GNA14: variants seen among roughly 807,000 people sequenced by gnomAD.
GNA14 encodes the protein G protein subunit alpha 14.
GNA14 carries 50 observed loss-of-function variants against 42.0 expected under a neutral mutation model. That is an observed-to-expected ratio of 1.19 (90% confidence interval 0.95 to 1.51). GNA14 has a LOEUF of 1.51. Ranked by LOEUF, GNA14 falls within the 40% of genes most tolerant of loss-of-function variation. The pLI, the probability that GNA14 is intolerant of heterozygous loss-of-function variation, is 0.00. For synonymous variants in GNA14, 173 were observed against 163.1 expected (o/e 1.06, Z -0.46); for missense variants, 473 against 446.2 (o/e 1.06, Z -0.54).
chr9:77,604,714 A>G (rs1316815044), intron 1 of GNA14, among the ~76,000 whole-genome samples: 2 of 152,308 alleles, frequency 1.3e-5, no homozygotes, highest in African/African-American at 2.4e-5. Context: ...CATTGGCTCA[A>G]TGTATCTGGG....
chr9:77,597,646 A>G (rs1485379170), intron 1 of GNA14, among the ~76,000 whole-genome samples: 3 of 151,808 alleles, frequency 2.0e-5, no homozygotes, highest in Non-Finnish European at 4.4e-5. Flanking sequence ...ATACTTTAAA[A>G]AAAGTGGCAA....
intron 1 of GNA14, among the ~76,000 whole-genome samples, chr9:77,574,251 A>T (rs2131798007): frequency 6.6e-6 from 1 of 152,354 alleles, no homozygotes; most frequent in South Asian, 2.1e-4. Flanking sequence ...GCAACAGGAC[A>T]ATCAAGCTGC....
intron 1 of GNA14, among the ~76,000 whole-genome samples, chr9:77,603,974 A>C (rs1823611612): frequency 4.0e-5 from 6 of 150,526 alleles, no homozygotes; most frequent in Non-Finnish European, 5.9e-5. Flanking sequence ...AAAAAAAAAA[A>C]AAAAAAACAC....
chr9:77,485,633 A>T (rs1271396583), intron 2 of GNA14, among the ~76,000 whole-genome samples: 1 of 152,214 alleles, frequency 6.6e-6, no homozygotes, highest in East Asian at 1.9e-4. Context: ...TTTGTAAATA[A>T]TAAGACTTGG....
chr9:77,451,131 G>A (rs12336835), intron 2 of GNA14, among the ~76,000 whole-genome samples: 44,351 of 151,908 alleles, frequency 0.29, 6,923 homozygotes, highest in East Asian at 0.38. Context: ...GGGAACATAC[G>A]TGTGTCAGAC....
intron 1 of GNA14, among the ~76,000 whole-genome samples, chr9:77,540,875 A>AGTTTCTTGTAG (rs1339304131): frequency 6.6e-6 from 1 of 152,064 alleles, no homozygotes; most frequent in Non-Finnish European, 1.5e-5. Flanking sequence ...TCTTGTAGGC[A>AGTTTCTTGTAG]GCATATAGTT....
intron 2 of GNA14, among the ~76,000 whole-genome samples, chr9:77,491,990 C>T (rs1265126893): frequency 1.3e-5 from 2 of 152,070 alleles, no homozygotes; most frequent in Non-Finnish European, 2.9e-5. Context: ...AAACTAGGAA[C>T]TGATAACAGG....
At chr9:77,520,022 T>G (rs368852447) in intron 2 of GNA14, among the ~76,000 whole-genome samples, 1 of 151,472 alleles carries the variant, frequency 6.6e-6, no homozygotes, top group Non-Finnish European at 1.5e-5. Context: ...AAAGTAAAAA[T>G]AAAAAAAGAA....
rs981770650 is a variant in GNA14, at chr9:77,639,443, A to T, written c.124+8227T>A. On this transcript the variant is annotated intron_variant, in intron 1 of 6. Coordinates refer to ENST00000341700, the MANE Select transcript of GNA14 (RefSeq NM_004297.4). ...ACACAGCTTATCAGTGGAAAAGCCT[A>T]TATTTTAAACCCAGCAAGGCTGGCT... is the stretch of plus-strand genomic sequence containing the variant. Among the ~76,000 whole-genome samples, 75 of 152,354 alleles carry T rather than the reference A, an allele frequency of 4.9e-4. 1 individual carries two copies. Among genetic ancestry groups the T allele is most frequent in the African/African-American group, 1.6e-3 (68 of 41,588 alleles).
chr9:77,534,609 A>T (rs912565389), intron 1 of GNA14, among the ~76,000 whole-genome samples: 1 of 152,226 alleles, frequency 6.6e-6, no homozygotes, highest in Admixed American at 6.5e-5. Flanking sequence ...TGCATGAGAC[A>T]ATGTAAATAG....
At chr9:77,506,283 TAAAAAAAAAAAAA>T in intron 2 of GNA14, among the ~76,000 whole-genome samples, 1 of 126,834 alleles carries the variant, frequency 7.9e-6, no homozygotes, top group South Asian at 2.5e-4. Context: ...CCCTGTCTCT[TAAAAAAAAAAAAA>T]AAAAGAAATG....
At chr9:77,467,778 T>C (rs750303830) in intron 2 of GNA14, among the ~76,000 whole-genome samples, 13 of 151,522 alleles carry the variant, frequency 8.6e-5, no homozygotes, top group Non-Finnish European at 1.6e-4. Context: ...GCAGGGACAG[T>C]GGCCCACTTC....
intron 1 of GNA14, among the ~76,000 whole-genome samples, chr9:77,561,244 T>C (rs934057248): frequency 6.6e-6 from 1 of 152,240 alleles, no homozygotes; most frequent in Admixed American, 6.5e-5. Context: ...GCTAAGTTTA[T>C]CTATCACACC....
chr9:77,564,014 C>T (rs1420050857), intron 1 of GNA14, among the ~76,000 whole-genome samples: 2 of 152,152 alleles, frequency 1.3e-5, no homozygotes, highest in Admixed American at 6.5e-5. Context: ...GACTCCATCC[C>T]TCAGCTCGTT....
intron 2 of GNA14, among the ~76,000 whole-genome samples, chr9:77,470,581 G>A (rs1315445586): frequency 6.6e-6 from 1 of 152,200 alleles, no homozygotes; most frequent in African/African-American, 2.4e-5. Context: ...GAAAGCTATA[G>A]CTAAAGTGCT....
chr9:77,485,571 G>T (rs1262648585), intron 2 of GNA14, among the ~76,000 whole-genome samples: 3 of 152,022 alleles, frequency 2.0e-5, no homozygotes, highest in African/African-American at 7.3e-5. Context: ...ACTTTGCCCA[G>T]ATCAATCAGA....
chr9:77,566,142 CTTCTT>C (rs1822964400), intron 1 of GNA14, among the ~76,000 whole-genome samples: 1 of 136,920 alleles, frequency 7.3e-6, no homozygotes, highest in Non-Finnish European at 1.5e-5. Context: ...AGTGGGAGTG[CTTCTT>C]TTTTTTTTTT....
intron 1 of GNA14, among the ~76,000 whole-genome samples, chr9:77,641,750 G>A (rs1425419343): frequency 1.3e-5 from 2 of 152,084 alleles, no homozygotes; most frequent in African/African-American, 4.8e-5. Context: ...GACGTTATTG[G>A]GTGAACCAAC....
In GNA14 at chr9:77,646,893, G is replaced by A. The variant is rs752189655; in HGVS notation, c.124+777C>T. On this transcript the variant is annotated intron_variant, in intron 1 of 6. Transcript: ENST00000341700. Reference sequence around the variant, plus strand: ...GATGTCCTACCCAGACCTTTGCAGAGACACCAAAAGAGCTGGATGAAGACC... The same window carrying A: ...GATGTCCTACCCAGACCTTTGCAGAAACACCAAAAGAGCTGGATGAAGACC... Among the ~76,000 whole-genome samples the A allele has an allele frequency of 1.9e-3, 289 of 152,344 alleles. 6 individuals are homozygous for A. Among genetic ancestry groups the A allele is most frequent in the Middle Eastern group, 3.4e-3 (1 of 294 alleles).
Sources: allele counts gnomAD v4.1 joint callset (sites outside exome capture counted in the v4.1 genomes callset), GRCh38; gene constraint gnomAD v4.1.1; transcripts MANE v1.5; gene names NCBI Gene and HGNC (gene_info 2026-07-23, HGNC 2026-07-21).